Variants in RYK observed in about 807,000 individuals in gnomAD.
RYK encodes the protein inactive tyrosine-protein kinase RYK.
A neutral mutation model predicts 70.2 loss-of-function variants in RYK; 21 were observed. The observed-to-expected ratio is 0.30, with a 90% CI of 0.21 to 0.43. RYK has a LOEUF of 0.43. Ranked by LOEUF, RYK falls within the 20% of genes least tolerant of loss-of-function variation. The pLI, the probability that RYK is intolerant of heterozygous loss-of-function variation, is 1.00. For missense variants in RYK, 604 were observed against 753.3 expected, an observed-to-expected ratio of 0.80 and a Z score of 2.32; for synonymous variants, 267 against 278.0, an observed-to-expected ratio of 0.96 and a Z score of 0.39.
At chr3:134,198,197 A>C (rs1011215126) in intron 6 of RYK, among the ~76,000 whole-genome samples, 3 of 152,230 alleles carry the variant, frequency 2.0e-5, no homozygotes, top group Non-Finnish European at 4.4e-5. Flanking sequence ...ATCTAAATAG[A>C]TTATCTCATT....
intron 1 of RYK, among the ~76,000 whole-genome samples, chr3:134,250,100 G>A (rs894797385): frequency 1.3e-5 from 2 of 151,948 alleles, no homozygotes; most frequent in Non-Finnish European, 2.9e-5. Context: ...CGTGCAGCAA[G>A]GAAAAAAAGT....
chr3:134,209,536 C>CGTT (rs2014325583), intron 4 of RYK, among the ~76,000 whole-genome samples, 159 bp downstream of exon 4: 2 of 152,190 alleles, frequency 1.3e-5, no homozygotes, highest in Non-Finnish European at 2.9e-5. Flanking sequence ...GGCTACCAAC[C>CGTT]ATCTGGGATT....
chr3:134,223,122 A>ACTTCCCT (rs2014791226), intron 1 of RYK, among the ~76,000 whole-genome samples: 1 of 152,238 alleles, frequency 6.6e-6, no homozygotes, highest in Non-Finnish European at 1.5e-5. Context: ...CAAAGGGAAG[A>ACTTCCCT]ACACTATGTT....
At chr3:134,193,459 T>C (rs1012986122) in intron 7 of RYK, among the ~76,000 whole-genome samples, 1 of 152,184 alleles carries the variant, frequency 6.6e-6, no homozygotes, top group Non-Finnish European at 1.5e-5. Context: ...GTGGGATTAC[T>C]GGCAAGAGCC....
At chr3:134,202,924 C>T in intron 5 of RYK, 50 bp from the exon 6 acceptor site, 1 of 1,485,340 alleles carries the variant, frequency 6.7e-7, no homozygotes, top group South Asian at 1.2e-5. Context: ...AATATGACTG[C>T]TTTGTGACCC....
At position 134,189,740 on chromosome 3, in the gene RYK, C is replaced by CAAAA. The variant is rs57016937; in HGVS notation, c.1016-821_1016-818dup. Among the ~76,000 whole-genome samples, 17 of 92,640 alleles carry CAAAA rather than the reference C, an allele frequency of 1.8e-4. 1 individual carries two copies. The highest frequency in any genetic ancestry group is 4.7e-4 in the African/African-American group (11 of 23,296). The allele number at this position is 92,640 out of a possible 152,430, so 60.8% of individuals were successfully genotyped here. A position where few individuals can be genotyped will look rare whatever the true frequency, so the allele number is the denominator to read the frequency against. ...CCTGGGCAACAGAACGAGACTCCGCCAAAAAAAAAAAAAAAAAAAACAAAA... is the reference window on the plus strand; with the variant it reads ...CCTGGGCAACAGAACGAGACTCCGCCAAAAAAAAAAAAAAAAAAAAAAAACAAAA... On this transcript the variant is annotated intron_variant, in intron 8 of 14. Coordinates refer to ENST00000623711, the MANE Select transcript of RYK (RefSeq NM_002958.4).
Position 134,250,510 on chromosome 3 carries a change from C to G in RYK, c.145G>C (p.Ala49Pro). The G allele has an allele frequency of 8.0e-7, 1 of 1,242,684 alleles. No homozygotes were observed. The highest frequency in any genetic ancestry group is 3.1e-5 in the South Asian group (1 of 31,990). 77.0% of individuals were successfully genotyped at this position (1,242,684 alleles called of 1,614,324 possible). ...LPAPGAAAAP[A>P]PRPPELQSAS... ...GACTGCAGCTCCGGGGGCCGCGGGG[C>G]GGGGGCGGCGGCAGCGCCAGGCGCG... Residue 49 changes from alanine (A) to proline (P), a missense_variant, in exon 1 of 15, where the codon GCC (alanine) becomes CCC (proline). Physicochemically the swap from Ala to Pro is conservative, Grantham distance 27. Transcript: ENST00000623711.
intron 13 of RYK, among the ~76,000 whole-genome samples, chr3:134,174,815 C>G: frequency 6.6e-6 from 1 of 151,732 alleles, no homozygotes. Flanking sequence ...CAAAACCACC[C>G]AGAAACTTGA....
chr3:134,180,237 AG>A (rs1176424967), intron 10 of RYK: 3 of 152,174 alleles, frequency 2.0e-5, no homozygotes, highest in African/African-American at 7.2e-5. Flanking sequence ...ATAGCGCAAG[AG>A]TACTTTGATG....
intron 1 of RYK, among the ~76,000 whole-genome samples, chr3:134,234,683 T>C (rs571938904): frequency 1.3e-5 from 2 of 152,240 alleles, no homozygotes; most frequent in South Asian, 4.1e-4. Flanking sequence ...ACCGCAATTA[T>C]GTATTCTTCC....
intron 5 of RYK, among the ~76,000 whole-genome samples, chr3:134,206,527 T>G (rs542967880): frequency 1.1e-4 from 16 of 152,164 alleles, no homozygotes; most frequent in Non-Finnish European, 1.8e-4. Flanking sequence ...AAAAGACATT[T>G]TAAAGACAAT....
intron 5 of RYK, among the ~76,000 whole-genome samples, chr3:134,206,400 T>A (rs1023446508): frequency 7.9e-5 from 12 of 152,206 alleles, no homozygotes; most frequent in African/African-American, 1.9e-4. Flanking sequence ...ACAAATGACA[T>A]AATTTCTTCA....
At chr3:134,207,628 T>TATAC in intron 4 of RYK, 103 bp from the exon 5 acceptor site, 1 of 700,068 alleles carries the variant, frequency 1.4e-6, no homozygotes, top group Non-Finnish European at 2.4e-6. Context: ...GCAACAGGTA[T>TATAC]GTGTTGCGAG....
chr3:134,194,997 C>G, intron 7 of RYK, 85 bp downstream of exon 7: 1 of 927,250 alleles, frequency 1.1e-6, no homozygotes, highest in East Asian at 2.5e-5. Flanking sequence ...CAACATGTCC[C>G]ACAAGTACAC....
At chr3:134,216,792 C>CAAAAAAA (rs61441674) in intron 2 of RYK, among the ~76,000 whole-genome samples, 5,112 of 37,426 alleles carry the variant, frequency 0.14, 1,365 homozygotes, top group Non-Finnish European at 0.18. Flanking sequence ...GACTCTGTCT[C>CAAAAAAA]AAAAAAAAAA....
At chr3:134,183,195 G>GAT (rs2013355829) in intron 9 of RYK, 124 bp from the exon 10 acceptor site, 1 of 471,666 alleles carries the variant, frequency 2.1e-6, no homozygotes, top group African/African-American at 2.0e-5. Context: ...ATAAGTTACA[G>GAT]GTAAATCTAA....
intron 14 of RYK, among the ~76,000 whole-genome samples, chr3:134,158,948 G>GA (rs1407922505): frequency 6.6e-6 from 1 of 152,094 alleles, no homozygotes; most frequent in Non-Finnish European, 1.5e-5. Flanking sequence ...ACTTTATATA[G>GA]AATAACTGAC....
chr3:134,192,020 T>G, intron 7 of RYK, 46 bp from the exon 8 acceptor site: 1 of 1,596,152 alleles, frequency 6.3e-7, no homozygotes, highest in Non-Finnish European at 8.6e-7. Context: ...ATACCCTTAT[T>G]ATGGTATTGG....
chr3:134,171,860 AG>A (rs2012924523), intron 13 of RYK, among the ~76,000 whole-genome samples: 1 of 151,848 alleles, frequency 6.6e-6, no homozygotes, highest in Admixed American at 6.6e-5. Flanking sequence ...GAAGTAGCTA[AG>A]GAAAAAAAAA....
Sources: gnomAD v4.1 joint callset for allele counts (sites outside exome capture counted in the v4.1 genomes callset) on GRCh38, gnomAD v4.1.1 for gene constraint, MANE v1.5 for transcripts, NCBI Gene and HGNC (gene_info 2026-07-23, HGNC 2026-07-21) for gene names.